The following PDE11A variants were observed in gnomAD, a reference collection of about 807,000 sequenced individuals.
PDE11A encodes the protein phosphodiesterase 11A.
Under a neutral mutation model 100.5 loss-of-function variants are expected in PDE11A, and 100 were observed. The ratio of observed to expected loss-of-function variants is 1.00; its 90% confidence interval spans 0.85 to 1.18. The LOEUF (loss-of-function observed/expected upper bound fraction) is 1.18. Among genes scored for constraint, PDE11A ranks in the 50% most tolerant of loss-of-function variants. The pLI, the probability that PDE11A is intolerant of heterozygous loss-of-function variation, is 0.00. For missense variants in PDE11A, 1,141 were observed against 1,152.6 expected, an observed-to-expected ratio of 0.99 and a Z score of 0.15; for synonymous variants, 381 against 420.8, an observed-to-expected ratio of 0.91 and a Z score of 1.16.
intron 2 of PDE11A, among the ~76,000 whole-genome samples, chr2:178,011,066 G>A (rs529830074): frequency 3.9e-5 from 6 of 152,246 alleles, no homozygotes; most frequent in African/African-American, 1.4e-4. Context: ...CACTCAAAGG[G>A]GAGTGCACAA....
intron 2 of PDE11A, among the ~76,000 whole-genome samples, chr2:177,929,741 A>T (rs1013171579): frequency 1.3e-5 from 2 of 152,202 alleles, no homozygotes; most frequent in African/African-American, 4.8e-5. Flanking sequence ...GAACTTTATA[A>T]AGCTTTCCCC....
At chr2:177,787,327 C>G (rs1213220576) in intron 9 of PDE11A, among the ~76,000 whole-genome samples, 3 of 150,990 alleles carry the variant, frequency 2.0e-5, no homozygotes, top group Non-Finnish European at 4.4e-5. Flanking sequence ...ACTTTACAGA[C>G]AAGCAAATGC....
rs2084300139 is a variant in PDE11A, at chr2:177,879,836, G to T, written c.1303-3913C>A. Among the ~76,000 whole-genome samples the T allele has an allele frequency of 2.0e-5, 3 of 152,124 alleles. 1 individual carries two copies. Among genetic ancestry groups the T allele is most frequent in the Admixed American group, 1.3e-4 (2 of 15,270 alleles). On this transcript the variant is annotated intron_variant, in intron 4 of 19. Transcript: ENST00000286063. ...ACAGGATGTTTGAACTCTTGTAAAA[G>T]AAGTTGGAGAAACTACTAAAAGGAA...
chr2:177,912,445 C>G (rs2084896022), intron 2 of PDE11A, among the ~76,000 whole-genome samples: 1 of 152,162 alleles, frequency 6.6e-6, no homozygotes, highest in African/African-American at 2.4e-5. Context: ...TTCTCTTTGA[C>G]TTTTTAGAAG....
intron 2 of PDE11A, chr2:177,997,585 T>A (rs2086091575): frequency 3.2e-6 from 3 of 937,432 alleles, no homozygotes; most frequent in Non-Finnish European, 5.3e-6. Context: ...CTGTTTCACC[T>A]GGAGAGCTAA....
At chr2:177,658,014 G>A (rs550763020) in intron 19 of PDE11A, among the ~76,000 whole-genome samples, 1 of 152,314 alleles carries the variant, frequency 6.6e-6, no homozygotes, top group East Asian at 1.9e-4. Flanking sequence ...AAGGACCACA[G>A]ACTTAAGTAG....
chr2:177,993,989 G>C (rs1003475908), intron 2 of PDE11A, among the ~76,000 whole-genome samples: 2 of 148,492 alleles, frequency 1.3e-5, no homozygotes, highest in African/African-American at 5.0e-5. Flanking sequence ...AGGCTGAAGT[G>C]CAATGGAGCA....
At chr2:177,769,490 T>C (rs1490687126) in intron 9 of PDE11A, 117 bp from the exon 10 acceptor site, 14 of 672,926 alleles carry the variant, frequency 2.1e-5, no homozygotes. Flanking sequence ...AAAGGTGGAC[T>C]TTAATGTATG....
chr2:178,082,047 C>T (rs62176002), intron 2 of PDE11A, among the ~76,000 whole-genome samples: 6,123 of 152,330 alleles, frequency 0.04, 173 homozygotes, highest in South Asian at 0.099. Context: ...TCATCTCCAT[C>T]ACCACCTTTA....
chr2:177,998,426 G>A, intron 2 of PDE11A: 4 of 991,570 alleles, frequency 4.0e-6, no homozygotes, highest in Non-Finnish European at 6.5e-6. Flanking sequence ...TGTTCACTAG[G>A]TTAAATTCTG....
chr2:177,665,835 C>A (rs1414839956), intron 18 of PDE11A, among the ~76,000 whole-genome samples: 1 of 138,934 alleles, frequency 7.2e-6, no homozygotes, highest in African/African-American at 2.7e-5. Context: ...CCAGCCTCGG[C>A]GACAGAGCAA....
At chr2:177,773,124 G>A (rs368774397) in intron 9 of PDE11A, among the ~76,000 whole-genome samples, 7 of 151,946 alleles carry the variant, frequency 4.6e-5, no homozygotes, top group African/African-American at 1.5e-4. Context: ...TGGCTCAAGT[G>A]ATCCTCCCAC....
At chr2:177,631,311 CA>C (rs1162577475) in intron 19 of PDE11A, among the ~76,000 whole-genome samples, 606 of 38,256 alleles carry the variant, frequency 0.016, 34 homozygotes, top group Middle Eastern at 0.067. Context: ...AAAAAAAAAA[CA>C]AAAAAAAAAA....
chr2:177,665,154 G>A (rs1296244558), intron 18 of PDE11A, among the ~76,000 whole-genome samples: 2 of 152,038 alleles, frequency 1.3e-5, no homozygotes, highest in African/African-American at 4.8e-5. Flanking sequence ...TAGTTCTTGT[G>A]AATAATATGA....
chr2:177,830,979 T>C (rs1000291824), intron 6 of PDE11A, among the ~76,000 whole-genome samples: 1 of 152,318 alleles, frequency 6.6e-6, no homozygotes, highest in East Asian at 1.9e-4. Flanking sequence ...CTGTGACATA[T>C]AATCTTTTGT....
At chr2:178,005,132 A>C (rs2086190531) in intron 2 of PDE11A, among the ~76,000 whole-genome samples, 1 of 142,478 alleles carries the variant, frequency 7.0e-6, no homozygotes, top group South Asian at 2.3e-4. Context: ...AGGTGTTCAC[A>C]GTTTACATGA....
chr2:177,759,185 A>G (rs1467950197), intron 10 of PDE11A, among the ~76,000 whole-genome samples: 2 of 151,166 alleles, frequency 1.3e-5, no homozygotes, highest in Non-Finnish European at 2.9e-5. Flanking sequence ...ACACACACAC[A>G]CACACACACA....
In PDE11A at chr2:177,815,278, C is replaced by T. The variant is rs576316791; in HGVS notation, c.1737+1551G>A. On this transcript the variant is annotated intron_variant, in intron 9 of 19. Coordinates refer to ENST00000286063, the MANE Select transcript of PDE11A (RefSeq NM_016953.4). ...TAATAGTATTATTGCTATGATTTTA[C>T]GAATACTTATTAACATCTTCACATG... 2.6e-4 allele frequency among the ~76,000 whole-genome samples: 39 copies of T among 151,952 alleles called. 1 individual carries two copies. The East Asian group carries it at 6.4e-3, about 25-fold the overall frequency.
At chr2:177,661,853 T>A (rs545777373) in intron 19 of PDE11A, among the ~76,000 whole-genome samples, 1 of 152,228 alleles carries the variant, frequency 6.6e-6, no homozygotes, top group Admixed American at 6.5e-5. Flanking sequence ...GTGCAAGAAA[T>A]TTCCATCAGA....
Sources: gnomAD v4.1 joint callset for allele counts (sites outside exome capture counted in the v4.1 genomes callset) on GRCh38, gnomAD v4.1.1 for gene constraint, MANE v1.5 for transcripts, NCBI Gene and HGNC (gene_info 2026-07-23, HGNC 2026-07-21) for gene names.